Variants in CAST observed in about 807,000 individuals in gnomAD.
The protein encoded by CAST is MIR583 host.
A neutral mutation model predicts 119.6 loss-of-function variants in CAST; 76 were observed. That is an observed-to-expected ratio of 0.64 (90% confidence interval 0.53 to 0.77). CAST has a LOEUF of 0.77. CAST is among the 30% of genes least tolerant of loss of function. The pLI is 0.00. For synonymous variants in CAST, 319 were observed against 331.6 expected, an observed-to-expected ratio of 0.96 and a Z score of 0.41; for missense variants, 953 against 946.5, an observed-to-expected ratio of 1.01 and a Z score of -0.09.
At chr5:96,365,184 A>T in the CAST span, among the ~76,000 whole-genome samples, 4 of 152,200 alleles carry the variant, frequency 2.6e-5, no homozygotes, top group African/African-American at 4.8e-5. Context: ...CTGTGGTCTG[A>T]GAGACAGTTT....
At chr5:96,139,798 T>G in the CAST span, among the ~76,000 whole-genome samples, 1 of 151,966 alleles carries the variant, frequency 6.6e-6, no homozygotes, top group South Asian at 2.1e-4. Context: ...AATATTCCCC[T>G]TCTAATTACT....
chr5:96,394,748 T>A, the CAST span: 1 of 886,796 alleles, frequency 1.1e-6, no homozygotes, highest in South Asian at 1.3e-5. Flanking sequence ...TATCACTTCT[T>A]ATCCTCCCCA....
the CAST span, among the ~76,000 whole-genome samples, chr5:96,118,868 T>G: frequency 7.3e-3 from 1,107 of 152,146 alleles, 14 homozygotes; most frequent in African/African-American, 0.026. Flanking sequence ...GTGACTCTTT[T>G]AGCTAAGTTC....
intron 5 of CAST, 76 bp from the exon 6 acceptor site, chr5:96,727,413 C>A: frequency 1.4e-6 from 1 of 720,358 alleles, no homozygotes; most frequent in South Asian, 2.0e-5. Flanking sequence ...TGAAGAAAAT[C>A]TGTGATAGTC....
chr5:96,289,810 C>A, the CAST span, among the ~76,000 whole-genome samples: 4 of 152,044 alleles, frequency 2.6e-5, no homozygotes, highest in Non-Finnish European at 5.9e-5. Context: ...TGTTGAGAGA[C>A]AAATAAATGA....
At chr5:96,165,780 G>A in the CAST span, among the ~76,000 whole-genome samples, 1 of 152,112 alleles carries the variant, frequency 6.6e-6, no homozygotes, top group Non-Finnish European at 1.5e-5. Flanking sequence ...AATCAATAAA[G>A]ACATCTGTTA....
chr5:96,662,322 T>TCCCCCC, upstream of CAST: 1 of 567,038 alleles, frequency 1.8e-6, no homozygotes, highest in Non-Finnish European at 2.5e-6. Flanking sequence ...GGCCCTCCGC[T>TCCCCCC]CCCTCCCTCC....
the CAST span, among the ~76,000 whole-genome samples, chr5:96,496,876 A>G: frequency 1.3e-5 from 2 of 151,526 alleles, no homozygotes; most frequent in Non-Finnish European, 2.9e-5. Context: ...TTTTTTTATT[A>G]TACTTGAAGT....
chr5:96,283,082 A>T, the CAST span, among the ~76,000 whole-genome samples: 2 of 147,098 alleles, frequency 1.4e-5, no homozygotes, highest in African/African-American at 5.0e-5. Context: ...GTGAGCCGAG[A>T]TTGCGCCACT....
intron 1 of CAST, among the ~76,000 whole-genome samples, chr5:96,570,926 G>A (rs1746556356): frequency 6.6e-6 from 1 of 152,278 alleles, no homozygotes; most frequent in East Asian, 1.9e-4. Context: ...CTTTTTATTG[G>A]CCGTGTCTGG....
At chr5:96,249,578 A>G in the CAST span, among the ~76,000 whole-genome samples, 19 of 152,224 alleles carry the variant, frequency 1.2e-4, no homozygotes, top group Non-Finnish European at 1.2e-4. Context: ...TCATTTCTAT[A>G]TAAATTTGGA....
the CAST span, among the ~76,000 whole-genome samples, chr5:96,465,627 T>C: frequency 1.3e-5 from 2 of 152,176 alleles, no homozygotes; most frequent in African/African-American, 2.4e-5. Context: ...ACTGGGATTT[T>C]CATCACCTTA....
intron 1 of CAST, among the ~76,000 whole-genome samples, chr5:96,552,816 T>C (rs896311204): frequency 2.0e-5 from 3 of 152,038 alleles, no homozygotes; most frequent in Non-Finnish European, 4.4e-5. Flanking sequence ...CTAAAAGAAA[T>C]TGATAAATTC....
the CAST span, among the ~76,000 whole-genome samples, chr5:96,458,547 G>T: frequency 6.6e-6 from 1 of 152,074 alleles, no homozygotes; most frequent in East Asian, 1.9e-4. Flanking sequence ...TTTAATAAAA[G>T]AAAGAATAGC....
chr5:96,493,552 C>A, the CAST span, among the ~76,000 whole-genome samples: 4 of 152,178 alleles, frequency 2.6e-5, no homozygotes, highest in Non-Finnish European at 5.9e-5. Flanking sequence ...GTATGTATCC[C>A]CACCAACCCA....
At chr5:96,582,893 G>A (rs1049131980) in intron 1 of CAST, among the ~76,000 whole-genome samples, 1 of 152,102 alleles carries the variant, frequency 6.6e-6, no homozygotes, top group Non-Finnish European at 1.5e-5. Context: ...CAATGCATAA[G>A]TTTGTATAGA....
the CAST span, among the ~76,000 whole-genome samples, chr5:96,342,094 A>C: frequency 6.6e-6 from 1 of 152,196 alleles, no homozygotes; most frequent in African/African-American, 2.4e-5. Context: ...ATTCTCACTA[A>C]TATAGAGTGG....
the CAST span, among the ~76,000 whole-genome samples, chr5:96,228,434 T>C: frequency 6.6e-6 from 1 of 152,204 alleles, no homozygotes; most frequent in South Asian, 2.1e-4. Flanking sequence ...TTGTTTATTA[T>C]CTTTCCCTCT....
intron 2 of CAST, among the ~76,000 whole-genome samples, chr5:96,682,449 T>G (rs368504326): frequency 4.6e-5 from 7 of 152,244 alleles, no homozygotes; most frequent in East Asian, 1.9e-4. Context: ...TATAGCTCTT[T>G]ACTCCATTTC....
Sources: allele counts gnomAD v4.1 joint callset (sites outside exome capture counted in the v4.1 genomes callset), GRCh38; gene constraint gnomAD v4.1.1; transcripts MANE v1.5; gene names NCBI Gene and HGNC (gene_info 2026-07-23, HGNC 2026-07-21).